PCDHGA6: variants seen among roughly 807,000 people sequenced by gnomAD.
PCDHGA6 encodes protocadherin gamma subfamily A, 6.
Under a neutral mutation model 60.6 loss-of-function variants are expected in PCDHGA6, and 41 were observed. The observed-to-expected ratio is 0.68, with a 90% CI of 0.53 to 0.88. The LOEUF (loss-of-function observed/expected upper bound fraction) is 0.88, where lower values mean the gene tolerates loss of function less well. Among genes scored for constraint, PCDHGA6 ranks in the 40% least tolerant of loss-of-function variants. The pLI, the probability that PCDHGA6 is intolerant of heterozygous loss-of-function variation, is 0.00. For missense variants in PCDHGA6, 1,312 were observed against 1,203.0 expected (o/e 1.09, Z -1.34); for synonymous variants, 594 against 524.4 (o/e 1.13, Z -1.81).
intron 1 of PCDHGA6, chr5:141,404,984 C>T (rs779919758): frequency 6.2e-7 from 1 of 1,614,034 alleles, no homozygotes; most frequent in African/African-American, 1.3e-5. Context: ...CCTGGGCAGT[C>T]TTCAGATCCC....
At chr5:141,405,049 C>A in intron 1 of PCDHGA6, 2 of 1,613,936 alleles carry the variant, frequency 1.2e-6, no homozygotes, top group South Asian at 2.2e-5. Flanking sequence ...CTGTGGCAGT[C>A]GTCTCCTGTG....
In PCDHGA6 at chr5:141,487,715, C is replaced by T. The variant is rs1209272301; in HGVS notation, c.2425-7092C>T. 2.5e-6 allele frequency: 4 copies of T among 1,582,708 alleles called. No individual in the cohort carries two copies. The highest frequency in any genetic ancestry group is 1.8e-5 in the Admixed American group (1 of 54,696). The stretch of plus-strand genomic sequence containing the variant: ...GAGTACTGGCCTCTCAGTAAGTGCC[C>T]ATAGTGATGTCACCATTTTTGTAAG... On this transcript the variant is annotated intron_variant, in intron 1 of 3. Transcript: ENST00000517434. This position sits in a 1 kb window ranked among gnomAD's most constrained non-coding sequence, Gnocchi z 5.0.
chr5:141,373,998 T>C lies in PCDHGA6; in HGVS notation c.-86T>C, dbSNP rs934719638. On this transcript the variant is annotated 5_prime_UTR_variant, in exon 1 of 4. Transcript: ENST00000517434. ...TCCGGTCTCTGCTTGTTGAAGGACC[T>C]TCACCGCTATTTCTGAGAAGAGCAA... The C allele has an allele frequency of 2.4e-5, 31 of 1,299,320 alleles. No homozygotes were observed. The African/African-American group carries it at 4.6e-4, about 19-fold the overall frequency. The allele number at this position is 1,299,320 out of a possible 1,614,324, so 80.5% of individuals were successfully genotyped here. A position where few individuals can be genotyped will look rare whatever the true frequency, so the allele number is the denominator to read the frequency against.
At chr5:141,396,724 A>G (rs957039654) in intron 1 of PCDHGA6, 1 of 152,212 alleles carries the variant, frequency 6.6e-6, no homozygotes, top group African/African-American at 2.4e-5. Flanking sequence ...TAATACCTGA[A>G]TTGATTGTTG....
intron 1 of PCDHGA6, chr5:141,403,954 C>A: frequency 6.2e-7 from 1 of 1,613,800 alleles, no homozygotes; most frequent in Non-Finnish European, 8.5e-7. Flanking sequence ...CAAAAGTGCT[C>A]ATTTCGGTGG....
intron 3 of PCDHGA6, among the ~76,000 whole-genome samples, chr5:141,509,068 G>A (rs1267011061): frequency 6.6e-6 from 1 of 152,144 alleles, no homozygotes; most frequent in Non-Finnish European, 1.5e-5. Flanking sequence ...TCTCAGCTCC[G>A]GGGATTTGCG....
intron 1 of PCDHGA6, chr5:141,430,885 C>T (rs771554381): frequency 5.6e-6 from 9 of 1,605,218 alleles, no homozygotes; most frequent in South Asian, 1.1e-5. Flanking sequence ...TGGAGAAAGG[C>T]TCTAGGGTGG....
chr5:141,488,054 A>G (rs1255295788), intron 1 of PCDHGA6, among the ~76,000 whole-genome samples: 1 of 152,206 alleles, frequency 6.6e-6, no homozygotes, highest in Admixed American at 6.5e-5. Flanking sequence ...TTGAGGGGAA[A>G]TAAAATCTTT....
chr5:141,458,567 TTTTG>T (rs144471304), intron 1 of PCDHGA6, among the ~76,000 whole-genome samples: 42,006 of 151,504 alleles, frequency 0.28, 6,493 homozygotes, highest in African/African-American at 0.43. Context: ...GGTTTTGGGT[TTTTG>T]TTTGTTTGTT....
At chr5:141,479,619 T>C (rs1327758222) in intron 1 of PCDHGA6, 1 of 152,220 alleles carries the variant, frequency 6.6e-6, no homozygotes, top group Non-Finnish European at 1.5e-5. Flanking sequence ...AGGGAAACCA[T>C]GTCTCTTTAA....
In PCDHGA6 at chr5:141,432,076, G is replaced by A. The variant is rs1442341840; in HGVS notation, c.2424+55569G>A. The A allele has an allele frequency of 1.2e-6, 2 of 1,614,160 alleles. No homozygotes were observed. Among genetic ancestry groups the A allele is most frequent in the East Asian group, 2.2e-5 (1 of 44,872 alleles). On this transcript the variant is annotated intron_variant, in intron 1 of 3. Coordinates refer to ENST00000517434, the MANE Select transcript of PCDHGA6 (RefSeq NM_018919.3). This position sits in a 1 kb window ranked among gnomAD's most constrained non-coding sequence, Gnocchi z 6.0. ...CCCTATCCACGGAAACTCATATCTCGCTGAACGTGGCAGACACCAACGACA... is the reference window on the plus strand; with the variant it reads ...CCCTATCCACGGAAACTCATATCTCACTGAACGTGGCAGACACCAACGACA...
At chr5:141,484,478 A>G (rs2099596967) in intron 1 of PCDHGA6, among the ~76,000 whole-genome samples, 1 of 152,244 alleles carries the variant, frequency 6.6e-6, no homozygotes, top group Admixed American at 6.5e-5. Context: ...CTTTTCTGCA[A>G]AGAGATGGAT....
chr5:141,423,671 T>C (rs773279181), intron 1 of PCDHGA6: 7 of 1,550,720 alleles, frequency 4.5e-6, no homozygotes, highest in Non-Finnish European at 5.2e-6. Context: ...GTGAGATTTA[T>C]TTCTCTGCCT....
At chr5:141,380,361 GA>G (rs980591138) in intron 1 of PCDHGA6, among the ~76,000 whole-genome samples, 1 of 151,502 alleles carries the variant, frequency 6.6e-6, no homozygotes, top group Non-Finnish European at 1.5e-5. Flanking sequence ...TTGTTTTTTA[GA>G]AAAAAAAGTC....
rs1191643556 is a variant in PCDHGA6 at position 141,486,302 on chromosome 5, C to A, written c.2425-8505C>A. On this transcript the variant is annotated intron_variant, in intron 1 of 3. Transcript: ENST00000517434. The surrounding 1 kb of genome is among the most constrained non-coding windows in gnomAD (Gnocchi z 5.0). ...GGTGGCACTTATCAGTGTGCAGGAT[C>A]CAGACTCAGGGTCAAACGGAGATGT... The A allele has an allele frequency of 6.2e-7, 1 of 1,614,036 alleles. No individual in the cohort carries two copies. The highest frequency in any genetic ancestry group is 8.5e-7 in the Non-Finnish European group (1 of 1,179,994).
At position 141,486,004 on chromosome 5, in the gene PCDHGA6, C is replaced by T; in HGVS notation, c.2425-8803C>T. The T allele has an allele frequency of 6.2e-7, 1 of 1,614,184 alleles. No homozygotes were observed. The highest frequency in any genetic ancestry group is 8.5e-7 in the Non-Finnish European group (1 of 1,180,008). The stretch of plus-strand genomic sequence containing the variant: ...CGGACCTGGGTCCCAGTGGTAACGT[C>T]ACCTTTTATTTCAGTGGTCATACCC... On this transcript the variant is annotated intron_variant, in intron 1 of 3. Coordinates refer to ENST00000517434, the MANE Select transcript of PCDHGA6 (RefSeq NM_018919.3). This position sits in a 1 kb window ranked among gnomAD's most constrained non-coding sequence, Gnocchi z 5.0.
chr5:141,438,392 ATTAAC>A (rs1296512476), intron 1 of PCDHGA6, among the ~76,000 whole-genome samples: 3 of 151,714 alleles, frequency 2.0e-5, no homozygotes, highest in African/African-American at 7.3e-5. Context: ...TTAGTTCATC[ATTAAC>A]TCTCTGAAGT....
rs70988800 is a variant in PCDHGA6 at position 141,379,889 on chromosome 5, C to CTTTTTTTTTT, written c.2424+3403_2424+3412dup. Among the ~76,000 whole-genome samples, 163 of 50,832 alleles carry CTTTTTTTTTT rather than the reference C, an allele frequency of 3.2e-3. 26 individuals carry two copies. The highest frequency in any genetic ancestry group is 6.0e-3 in the African/African-American group (90 of 15,084). The allele number at this position is 50,832 out of a possible 152,430, so 33.3% of individuals were successfully genotyped here. On this transcript the variant is annotated intron_variant, in intron 1 of 3. Transcript: ENST00000517434. ...CTTATTTTATGGTCTGTGAAAGCCTCTTTTTTTTTTTTTTTTTTTTTTTTT... is the reference window on the plus strand; with the variant it reads ...CTTATTTTATGGTCTGTGAAAGCCTCTTTTTTTTTTTTTTTTTTTTTTTTTTTTTTTTTTT...
At chr5:141,446,502 A>G (rs1178198384) in intron 1 of PCDHGA6, among the ~76,000 whole-genome samples, 5 of 150,732 alleles carry the variant, frequency 3.3e-5, no homozygotes, top group Non-Finnish European at 7.4e-5. Context: ...TTTGAGATGG[A>G]GTCTCGCTCT....
Sources: gnomAD v4.1 joint callset for allele counts (sites outside exome capture counted in the v4.1 genomes callset) on GRCh38, gnomAD v4.1.1 for gene constraint, Gnocchi (gnomAD v3.1) non-coding constraint, MANE v1.5 for transcripts, NCBI Gene and HGNC (gene_info 2026-07-23, HGNC 2026-07-21) for gene names.